The following ST6GAL1 variants were observed in gnomAD, a reference collection of about 807,000 sequenced individuals.
ST6GAL1 encodes the protein beta-galactoside alpha-2,6-sialyltransferase 1.
ST6GAL1 carries 20 observed loss-of-function variants against 38.0 expected under a neutral mutation model. That is an observed-to-expected ratio of 0.53 (90% CI 0.37 to 0.77). ST6GAL1 has a LOEUF of 0.77. ST6GAL1 is among the 30% of genes least tolerant of loss of function. ST6GAL1 has a pLI of 0.00. For missense variants in ST6GAL1, 432 were observed against 496.4 expected (o/e 0.87, Z 1.23); for synonymous variants, 196 against 188.2 (o/e 1.04, Z -0.34).
At chr3:187,071,431 G>A (rs1344958149) in intron 5 of ST6GAL1, among the ~76,000 whole-genome samples, 1 of 152,132 alleles carries the variant, frequency 6.6e-6, no homozygotes, top group Non-Finnish European at 1.5e-5. Flanking sequence ...CAGAGCAAAT[G>A]TGTTATTCCC....
chr3:186,932,481 T>A (rs754479375), intron 1 of ST6GAL1, among the ~76,000 whole-genome samples: 1 of 152,268 alleles, frequency 6.6e-6, no homozygotes, highest in Non-Finnish European at 1.5e-5. Context: ...TTTATTCTGT[T>A]GAGAAAAAAT....
chr3:187,013,773 C>T (rs769571538), intron 2 of ST6GAL1, among the ~76,000 whole-genome samples: 16 of 151,998 alleles, frequency 1.1e-4, no homozygotes, highest in Admixed American at 7.2e-4. Context: ...TTAGTAGAGA[C>T]GGGGTTTGAC....
In ST6GAL1 at chr3:186,933,977, TG is replaced by T. The variant is rs565381155; in HGVS notation, c.-325+3146del. ...TGAACGGTTCACTTTACTCTTGTGCTGGGTTCCTCCATGTCTCTGTCTTGTG... is the reference window on the plus strand; with the variant it reads ...TGAACGGTTCACTTTACTCTTGTGCTGGTTCCTCCATGTCTCTGTCTTGTG... On this transcript the variant is annotated intron_variant, in intron 1 of 7. Coordinates refer to ENST00000169298, the MANE Select transcript of ST6GAL1 (RefSeq NM_173216.2). 8.6e-3 allele frequency among the ~76,000 whole-genome samples: 1,315 copies of T among 152,370 alleles called. 5 individuals are homozygous for T. Among genetic ancestry groups the T allele is most frequent in the Non-Finnish European group, 0.015 (1,015 of 68,032 alleles).
chr3:187,056,894 T>C (rs917310461), intron 5 of ST6GAL1, among the ~76,000 whole-genome samples: 3 of 152,194 alleles, frequency 2.0e-5, no homozygotes, highest in African/African-American at 7.2e-5. Flanking sequence ...TCCTGAAGAG[T>C]GTTTTCCAAC....
At chr3:186,965,929 C>T (rs6764893) in intron 2 of ST6GAL1, among the ~76,000 whole-genome samples, 59,799 of 152,084 alleles carry the variant, frequency 0.39, 14,856 homozygotes, top group African/African-American at 0.72. Flanking sequence ...GACAGAGTGT[C>T]GCTCTGTTGC....
At chr3:186,973,803 C>T (rs1486803645) in intron 2 of ST6GAL1, among the ~76,000 whole-genome samples, 2 of 152,132 alleles carry the variant, frequency 1.3e-5, no homozygotes, top group Non-Finnish European at 2.9e-5. Context: ...TGTGCCTTAC[C>T]CAAGTTCAGT....
intron 5 of ST6GAL1, among the ~76,000 whole-genome samples, chr3:187,064,864 C>T (rs908295019): frequency 1.3e-5 from 2 of 152,116 alleles, no homozygotes; most frequent in Non-Finnish European, 2.9e-5. Context: ...AAACGGGGTC[C>T]CCACCCCCAC....
At chr3:187,014,936 C>T (rs181434052) in intron 2 of ST6GAL1, among the ~76,000 whole-genome samples, 5 of 152,226 alleles carry the variant, frequency 3.3e-5, no homozygotes, top group East Asian at 1.9e-4. Flanking sequence ...CCCCTTACAC[C>T]GTAAATACAA....
intron 5 of ST6GAL1, chr3:187,064,743 T>C: frequency 2.6e-6 from 1 of 392,028 alleles, no homozygotes. Flanking sequence ...GGACACTTTC[T>C]ATCATTGCCC....
intron 2 of ST6GAL1, among the ~76,000 whole-genome samples, chr3:187,005,740 T>C (rs1417728362): frequency 3.9e-5 from 6 of 152,190 alleles, no homozygotes; most frequent in Non-Finnish European, 8.8e-5. Context: ...TGATGTAAAA[T>C]AATACGTATT....
At chr3:186,969,064 T>C (rs1386863195) in intron 2 of ST6GAL1, among the ~76,000 whole-genome samples, 1 of 149,236 alleles carries the variant, frequency 6.7e-6, no homozygotes, top group African/African-American at 2.5e-5. Flanking sequence ...TTTTTTTTTT[T>C]TTTTTGAGAC....
At chr3:187,065,320 C>T (rs1391201368) in intron 5 of ST6GAL1, among the ~76,000 whole-genome samples, 2 of 152,114 alleles carry the variant, frequency 1.3e-5, no homozygotes, top group African/African-American at 4.8e-5. Context: ...TCTTCTAAAG[C>T]CATCTGGACC....
intron 2 of ST6GAL1, among the ~76,000 whole-genome samples, chr3:187,016,190 T>C (rs1717110261): frequency 1.3e-5 from 2 of 152,154 alleles, no homozygotes; most frequent in South Asian, 4.1e-4. Context: ...ATTTTCTTGT[T>C]TACAAAATAA....
intron 1 of ST6GAL1, among the ~76,000 whole-genome samples, chr3:186,954,579 C>T (rs1458008232): frequency 6.6e-6 from 1 of 152,034 alleles, no homozygotes. Flanking sequence ...TCTAATGATG[C>T]ATGGTGTTGA....
chr3:186,953,884 T>C lies in ST6GAL1; in HGVS notation c.-324-9901T>C, dbSNP rs577111740. ...GTGTAGGATGTGCAGGTTTGTTACA[T>C]AGGTAAACATGTGCCATGGTGGTTT... is the stretch of plus-strand genomic sequence containing the variant. On this transcript the variant is annotated intron_variant, in intron 1 of 7. Coordinates refer to ENST00000169298, the MANE Select transcript of ST6GAL1 (RefSeq NM_173216.2). Among the ~76,000 whole-genome samples the C allele has an allele frequency of 2.0e-5, 3 of 151,384 alleles. No homozygotes were observed. The East Asian group carries it at 5.9e-4, about 30-fold the overall frequency.
rs117607631 is a variant in ST6GAL1 at position 186,938,671 on chromosome 3, A to T, written c.-325+7837A>T. ...AGAGAGAAAAATGATCGTTCACATG[A>T]TGCATAAAAAAAGAATAAAAGGTCT... On this transcript the variant is annotated intron_variant, in intron 1 of 7. Transcript: ENST00000169298. 1.3e-3 allele frequency among the ~76,000 whole-genome samples: 194 copies of T among 152,330 alleles called. 3 individuals carry two copies. The East Asian group carries it at 0.032, about 25-fold the overall frequency.
intron 2 of ST6GAL1, among the ~76,000 whole-genome samples, chr3:186,998,416 A>G (rs975665759): frequency 6.6e-6 from 1 of 152,210 alleles, no homozygotes; most frequent in African/African-American, 2.4e-5. Context: ...ATGTTAGGAA[A>G]ATCATAAGAA....
chr3:186,968,270 G>A (rs995455515), intron 2 of ST6GAL1, among the ~76,000 whole-genome samples: 2 of 152,184 alleles, frequency 1.3e-5, no homozygotes, highest in Non-Finnish European at 2.9e-5. Context: ...CCTACCTTGA[G>A]TGAAGATGAA....
At chr3:187,029,215 A>G (rs1485057118) in intron 2 of ST6GAL1, among the ~76,000 whole-genome samples, 1 of 152,088 alleles carries the variant, frequency 6.6e-6, no homozygotes, top group Non-Finnish European at 1.5e-5. Flanking sequence ...TGCTTGACTC[A>G]CGAGAGGTGT....
Sources: gnomAD v4.1 joint callset for allele counts (sites outside exome capture counted in the v4.1 genomes callset) on GRCh38, gnomAD v4.1.1 for gene constraint, MANE v1.5 for transcripts, NCBI Gene and HGNC (gene_info 2026-07-23, HGNC 2026-07-21) for gene names.